Variants in RIF1 observed in about 807,000 individuals in gnomAD.
The protein encoded by RIF1 is telomere-associated protein RIF1.
In RIF1, 45 loss-of-function variants were observed where a neutral mutation model predicts 247.1. The ratio of observed to expected loss-of-function variants is 0.18; its 90% confidence interval spans 0.14 to 0.23. The LOEUF is 0.23. Ranked by LOEUF, RIF1 falls within the 10% of genes least tolerant of loss-of-function variation. The probability of loss-of-function intolerance (pLI) is 1.00; values close to 1 mark genes in which losing one functional copy is unlikely to be tolerated. For synonymous variants in RIF1, 1,087 were observed against 978.8 expected, an observed-to-expected ratio of 1.11 and a Z score of -2.06; for missense variants, 2,967 against 2,862.5, an observed-to-expected ratio of 1.04 and a Z score of -0.83.
chr2:151,424,058 A>G (rs776839138), intron 8 of RIF1, among the ~76,000 whole-genome samples: 2 of 152,176 alleles, frequency 1.3e-5, no homozygotes, highest in African/African-American at 2.4e-5. Flanking sequence ...GTGAAATTAT[A>G]ACATATATGC....
chr2:151,417,915 G>A (rs1226324897), intron 6 of RIF1, among the ~76,000 whole-genome samples: 1 of 152,122 alleles, frequency 6.6e-6, no homozygotes, highest in Non-Finnish European at 1.5e-5. Context: ...GTATATTACT[G>A]TACTGGATAT....
At chr2:151,527,624 T>G in the RIF1 span, 1 of 1,465,324 alleles carries the variant, frequency 6.8e-7, no homozygotes, top group Non-Finnish European at 9.5e-7. Context: ...CTTGATTCAG[T>G]AGGCTAAATT....
Position 151,480,249 on chromosome 2 carries a change from T to C in RIF1, c.*5178T>C, listed in dbSNP as rs751894478. 17 of 152,184 alleles carry C rather than the reference T, an allele frequency of 1.1e-4. No individual in the cohort carries two copies. The highest frequency in any genetic ancestry group is 1.5e-5 in the Non-Finnish European group (1 of 68,020). 9.4% of individuals were successfully genotyped at this position (152,184 alleles called of 1,614,324 possible). ...ACAAGTAAGAAAAAAACTCTAACTT[T>C]TGTACTCTACTTGTAGCAGAGGGAA... On this transcript the variant is annotated 3_prime_UTR_variant, in exon 36 of 36. Transcript: ENST00000444746.
At chr2:151,485,655 A>C, downstream of RIF1, 1 of 1,147,024 alleles carries the variant, frequency 8.7e-7, no homozygotes, top group South Asian at 1.8e-5. Flanking sequence ...TGACACAGAA[A>C]AACCATAGGC....
chr2:151,513,804 A>G, the RIF1 span: 89 of 757,740 alleles, frequency 1.2e-4, 2 homozygotes, highest in South Asian at 1.4e-3. Context: ...TGTCACAGAT[A>G]GTGTCGCTTG....
the RIF1 span, chr2:151,524,685 G>GTTTGTA: frequency 1.2e-6 from 1 of 811,368 alleles, no homozygotes. Flanking sequence ...TTTTTTTTTT[G>GTTTGTA]AGATGGAATC....
intron 30 of RIF1, 80 bp from the exon 31 acceptor site, chr2:151,467,920 T>C: frequency 7.2e-7 from 1 of 1,380,880 alleles, no homozygotes; most frequent in Non-Finnish European, 9.9e-7. Context: ...TATTTTTGGG[T>C]AACCTCATAA....
At chr2:151,506,186 T>A in intron 12 of RIF1, 2 of 1,613,024 alleles carry the variant, frequency 1.2e-6, no homozygotes, top group Non-Finnish European at 1.7e-6. Context: ...TGGTCCTGTG[T>A]TTGTTTCACT....
At chr2:151,458,769 A>G (rs775561958) in intron 24 of RIF1, 42 bp from the exon 25 acceptor site, 2 of 1,127,368 alleles carry the variant, frequency 1.8e-6, no homozygotes, top group South Asian at 1.4e-5. Context: ...GTTCACCAGT[A>G]CTACTTGACT....
At chr2:151,455,633 T>C (rs1034563941) in intron 22 of RIF1, among the ~76,000 whole-genome samples, 2 of 148,080 alleles carry the variant, frequency 1.4e-5, no homozygotes, top group Non-Finnish European at 3.0e-5. Context: ...GTATTAGATA[T>C]TATAAGGAAT....
Position 151,410,048 on chromosome 2 carries a change from G to A in RIF1, c.-11+15G>A, listed in dbSNP as rs1468057782. On this transcript the variant is annotated intron_variant, in intron 1 of 35. Transcript: ENST00000444746. ...GATCTTCCTAGGTGGGATAAATATC[G>A]GGGTGACAGTGGTAGGCCGCGGGGA... is the stretch of plus-strand genomic sequence containing the variant. 4 of 702,928 alleles carry A rather than the reference G, an allele frequency of 5.7e-6. No homozygotes were observed. Among genetic ancestry groups the A allele is most frequent in the South Asian group, 4.4e-5 (3 of 67,602 alleles). The allele number at this position is 702,928 out of a possible 1,614,324, so 43.5% of individuals were successfully genotyped here. A position where few individuals can be genotyped will look rare whatever the true frequency, so the allele number is the denominator to read the frequency against.
chr2:151,490,082 A>C (rs918592168), intron 9 of RIF1: 17 of 1,596,052 alleles, frequency 1.1e-5, no homozygotes, highest in Non-Finnish European at 1.4e-5. Flanking sequence ...TGTAAGCTGA[A>C]AAAAAGGGGG....
rs755633657 is a variant in RIF1, at chr2:151,479,344, T to A, written c.*4273T>A. On this transcript the variant is annotated 3_prime_UTR_variant, in exon 36 of 36. Transcript: ENST00000444746. ...AGTAGGCAGACTAAGAATTTCAAGT[T>A]ATAAAGAATCTTATTGATAAGGCAA... is the stretch of plus-strand genomic sequence containing the variant. 23 of 152,234 alleles carry A rather than the reference T, an allele frequency of 1.5e-4. No individual in the cohort carries two copies. Among genetic ancestry groups the A allele is most frequent in the Non-Finnish European group, 2.5e-4 (17 of 68,040 alleles). The allele number at this position is 152,234 out of a possible 1,614,324, so 9.4% of individuals were successfully genotyped here.
Position 151,479,033 on chromosome 2 carries a change from A to G in RIF1, c.*3962A>G, listed in dbSNP as rs2049060795. 2 of 152,194 alleles carry G rather than the reference A, an allele frequency of 1.3e-5. No homozygotes were observed. The highest frequency in any genetic ancestry group is 4.8e-5 in the African/African-American group (2 of 41,448). 9.4% of individuals were successfully genotyped at this position (152,194 alleles called of 1,614,324 possible). ...TCAAACTTTGATGTGCATATGAACAAGTGGATTCTGATTCAGTAGATCTGC... is the reference window on the plus strand; with the variant it reads ...TCAAACTTTGATGTGCATATGAACAGGTGGATTCTGATTCAGTAGATCTGC... On this transcript the variant is annotated 3_prime_UTR_variant, in exon 36 of 36. Transcript: ENST00000444746.
the RIF1 span, chr2:151,527,495 G>A: frequency 1.9e-6 from 3 of 1,612,930 alleles, no homozygotes; most frequent in Non-Finnish European, 2.5e-6. Context: ...CTTTGCTGCA[G>A]GGATGACTTG....
intron 10 of RIF1, among the ~76,000 whole-genome samples, chr2:151,434,589 C>T (rs1372590963): frequency 3.3e-5 from 5 of 151,834 alleles, no homozygotes; most frequent in African/African-American, 9.7e-5. Flanking sequence ...TACAGGCGCC[C>T]GCCACCACGC....
intron 3 of RIF1, 123 bp from the exon 4 acceptor site, chr2:151,414,700 C>T (rs956078856): frequency 9.5e-5 from 58 of 609,430 alleles, no homozygotes; most frequent in African/African-American, 1.1e-4. Flanking sequence ...ATTTTTTATG[C>T]GTATTCTCAA....
chr2:151,527,406 T>C, the RIF1 span: 6 of 1,129,452 alleles, frequency 5.3e-6, 1 homozygote, highest in South Asian at 7.3e-5. Flanking sequence ...TGATAGTGGT[T>C]ATTATAAATA....
downstream of RIF1, among the ~76,000 whole-genome samples, chr2:151,512,320 C>T (rs990362447): frequency 1.3e-5 from 2 of 151,990 alleles, no homozygotes; most frequent in African/African-American, 2.4e-5. Context: ...AGGCATGAGC[C>T]ACCATGCCGG....
Sources: gnomAD v4.1 joint callset for allele counts (sites outside exome capture counted in the v4.1 genomes callset) on GRCh38, gnomAD v4.1.1 for gene constraint, MANE v1.5 for transcripts, NCBI Gene and HGNC (gene_info 2026-07-23, HGNC 2026-07-21) for gene names.